The following NLGN1 variants were observed in gnomAD, a reference collection of about 807,000 sequenced individuals.
NLGN1 encodes neuroligin 1.
A neutral mutation model predicts 65.5 loss-of-function variants in NLGN1; 12 were observed. The ratio of observed to expected loss-of-function variants is 0.18; its 90% CI spans 0.12 to 0.30. The LOEUF is 0.30. Among genes scored for constraint, NLGN1 ranks in the 10% least tolerant of loss-of-function variants. The pLI, the probability that NLGN1 is intolerant of heterozygous loss-of-function variation, is 1.00. For synonymous variants in NLGN1, 350 were observed against 359.5 expected (o/e 0.97, Z 0.30); for missense variants, 750 against 1,007.1 (o/e 0.74, Z 3.46).
intron 4 of NLGN1, among the ~76,000 whole-genome samples, chr3:173,889,937 G>C (rs187677425): frequency 3.3e-5 from 5 of 152,080 alleles, no homozygotes; most frequent in Admixed American, 3.3e-4. Context: ...TGTGGGAACT[G>C]GTAGAGATTT....
chr3:174,267,972 T>TA (rs1561433966), intron 4 of NLGN1, among the ~76,000 whole-genome samples: 1 of 152,252 alleles, frequency 6.6e-6, no homozygotes, highest in East Asian at 1.9e-4. Flanking sequence ...TTAAGAGAGA[T>TA]AAAAATAAAT....
At chr3:173,417,353 T>G (rs1360618873) in intron 1 of NLGN1, among the ~76,000 whole-genome samples, 3 of 152,052 alleles carry the variant, frequency 2.0e-5, no homozygotes, top group Admixed American at 6.5e-5. Flanking sequence ...AAAAGCTCAC[T>G]GATTAAAACT....
chr3:173,550,361 A>T (rs1740631863), intron 2 of NLGN1, among the ~76,000 whole-genome samples: 1 of 152,092 alleles, frequency 6.6e-6, no homozygotes, highest in African/African-American at 2.4e-5. Flanking sequence ...GCACACATGC[A>T]TGTTGTCAAG....
At chr3:174,224,847 A>G (rs549080649) in intron 4 of NLGN1, among the ~76,000 whole-genome samples, 57 of 152,298 alleles carry the variant, frequency 3.7e-4, no homozygotes, top group African/African-American at 1.3e-3. Context: ...CCAGGATTTC[A>G]ATAAACAAGC....
chr3:174,278,734 A>ATCTC (rs1422588023), intron 5 of NLGN1, 127 bp from the exon 6 acceptor site: 33 of 708,764 alleles, frequency 4.7e-5, no homozygotes, highest in Admixed American at 7.5e-5. Context: ...TAAGAAAAAT[A>ATCTC]TCTCTAACTC....
At chr3:173,840,996 A>G (rs911230638) in intron 4 of NLGN1, among the ~76,000 whole-genome samples, 9 of 152,140 alleles carry the variant, frequency 5.9e-5, no homozygotes, top group African/African-American at 1.9e-4. Context: ...GTCAACTACA[A>G]ACATATAGAC....
chr3:173,640,870 T>C (rs1757311787), intron 3 of NLGN1, among the ~76,000 whole-genome samples: 1 of 152,192 alleles, frequency 6.6e-6, no homozygotes, highest in South Asian at 2.1e-4. Context: ...GAATATTACT[T>C]AGGGGTTGTT....
At chr3:174,207,761 C>T (rs555764449) in intron 4 of NLGN1, among the ~76,000 whole-genome samples, 4 of 152,264 alleles carry the variant, frequency 2.6e-5, no homozygotes, top group South Asian at 2.1e-4. Flanking sequence ...TCTCAACAAA[C>T]GACAATCTCT....
intron 2 of NLGN1, among the ~76,000 whole-genome samples, chr3:173,539,678 A>G (rs551136029): frequency 3.8e-5 from 3 of 79,450 alleles, no homozygotes; most frequent in South Asian, 3.8e-4. Context: ...CACATATATA[A>G]CATACATATA....
chr3:173,820,289 CTATAATGCATGAAAGCTGCAATT>C (rs1329756453), intron 4 of NLGN1, among the ~76,000 whole-genome samples: 4 of 151,158 alleles, frequency 2.6e-5, no homozygotes, highest in African/African-American at 9.7e-5. Context: ...TGTTCTGAGA[CTATAATGCATGAAAGCTGCAATT>C]TATTTTAAAT....
intron 3 of NLGN1, among the ~76,000 whole-genome samples, chr3:173,695,126 T>C (rs1766019782): frequency 6.6e-6 from 1 of 152,196 alleles, no homozygotes. Context: ...AAATCCCATA[T>C]TTTATGGCCT....
At chr3:174,099,015 C>T (rs775154384) in intron 4 of NLGN1, among the ~76,000 whole-genome samples, 5 of 152,126 alleles carry the variant, frequency 3.3e-5, no homozygotes, top group Non-Finnish European at 7.4e-5. Context: ...CTAAGTTGGG[C>T]TCCCTGCTGT....
Position 173,432,058 on chromosome 3 carries a change from T to C in NLGN1, c.-389-2952T>C, listed in dbSNP as rs185646291. Among the ~76,000 whole-genome samples the C allele has an allele frequency of 5.9e-5, 9 of 152,328 alleles. No individual in the cohort carries two copies. In the East Asian group the frequency reaches 1.7e-3, roughly 29 times the overall value. The stretch of plus-strand genomic sequence containing the variant: ...TCCTCCATGTCTTTTCATGGCTTGA[T>C]AGCTCATTTCTTTTTAGTGCTAAAT... On this transcript the variant is annotated intron_variant, in intron 1 of 6. Coordinates refer to ENST00000457714, the Ensembl canonical transcript of NLGN1.
chr3:173,771,413 G>A (rs1485618363), intron 3 of NLGN1, among the ~76,000 whole-genome samples: 1 of 152,112 alleles, frequency 6.6e-6, no homozygotes, highest in East Asian at 1.9e-4. Flanking sequence ...GTGATGATTA[G>A]GGTATTTGAG....
intron 3 of NLGN1, among the ~76,000 whole-genome samples, chr3:173,627,743 C>A (rs56203509): frequency 0.026 from 3,943 of 152,020 alleles, 170 homozygotes; most frequent in African/African-American, 0.09. Context: ...TTGTTTGTAG[C>A]AAATGAAAGT....
At chr3:174,238,121 C>A (rs1336772871) in intron 4 of NLGN1, among the ~76,000 whole-genome samples, 1 of 151,868 alleles carries the variant, frequency 6.6e-6, no homozygotes, top group Non-Finnish European at 1.5e-5. Context: ...GTTCTTTTCA[C>A]CTCTATACTC....
intron 4 of NLGN1, among the ~76,000 whole-genome samples, chr3:174,203,209 C>T (rs1734807876): frequency 6.6e-6 from 1 of 152,154 alleles, no homozygotes; most frequent in Non-Finnish European, 1.5e-5. Context: ...ATGATCTAGA[C>T]AAGAGCAGTA....
At chr3:173,539,398 T>C (rs1223926954) in intron 2 of NLGN1, among the ~76,000 whole-genome samples, 1 of 146,812 alleles carries the variant, frequency 6.8e-6, no homozygotes, top group African/African-American at 2.5e-5. Flanking sequence ...AAAAAACATA[T>C]ATATGTTATA....
intron 2 of NLGN1, among the ~76,000 whole-genome samples, chr3:173,466,020 A>T (rs1290901642): frequency 6.6e-6 from 1 of 152,254 alleles, no homozygotes; most frequent in Non-Finnish European, 1.5e-5. Context: ...AAAGACAACA[A>T]TTATAAACAA....
Sources: allele counts gnomAD v4.1 joint callset (sites outside exome capture counted in the v4.1 genomes callset), GRCh38; gene constraint gnomAD v4.1.1; transcripts MANE v1.5; gene names NCBI Gene and HGNC (gene_info 2026-07-23, HGNC 2026-07-21).